The following KIF21B variants were observed in gnomAD, a reference collection of about 807,000 sequenced individuals.
KIF21B encodes the protein kinesin family member 21B, also known as kinesin-like protein KIF21B.
A neutral mutation model predicts 192.9 loss-of-function variants in KIF21B; 85 were observed. The observed-to-expected ratio is 0.44, with a 90% CI of 0.37 to 0.53. The LOEUF (loss-of-function observed/expected upper bound fraction) is 0.53. Among genes scored for constraint, KIF21B ranks in the 20% least tolerant of loss-of-function variants. The pLI, the probability that KIF21B is intolerant of heterozygous loss-of-function variation, is 0.00. For missense variants in KIF21B, 1,716 were observed against 2,194.8 expected, an observed-to-expected ratio of 0.78 and a Z score of 4.36; for synonymous variants, 832 against 884.6, an observed-to-expected ratio of 0.94 and a Z score of 1.05.
intron 15 of KIF21B, among the ~76,000 whole-genome samples, chr1:200,993,244 T>C (rs1437276502): frequency 2.0e-5 from 3 of 152,190 alleles, no homozygotes; most frequent in Non-Finnish European, 4.4e-5. Flanking sequence ...AACATAGAAG[T>C]GTAATGTACA....
At chr1:201,006,859 GACACAC>G (rs575791469) in intron 3 of KIF21B, among the ~76,000 whole-genome samples, 6 of 146,142 alleles carry the variant, frequency 4.1e-5, no homozygotes, top group South Asian at 2.2e-4. Context: ...GAGACACACA[GACACAC>G]ACACACACAG....
chr1:201,003,208 C>T, intron 8 of KIF21B: 1 of 316,874 alleles, frequency 3.2e-6, no homozygotes, highest in Admixed American at 4.5e-5. Flanking sequence ...GTGGGCCCCT[C>T]TATCAACGAT....
chr1:200,979,820 C>T (rs752437109), intron 29 of KIF21B, 105 bp from the exon 30 acceptor site: 2 of 914,490 alleles, frequency 2.2e-6, no homozygotes, highest in Non-Finnish European at 3.1e-6. Context: ...AAGGGATCCA[C>T]AGGGCTCCAG....
intron 1 of KIF21B, among the ~76,000 whole-genome samples, chr1:201,018,112 T>C (rs780099089): frequency 7.2e-5 from 11 of 152,172 alleles, no homozygotes; most frequent in Admixed American, 1.3e-4. Flanking sequence ...ATTGCTTTCC[T>C]CCTCAATGTT....
At chr1:201,021,069 A>G (rs1460269447) in intron 1 of KIF21B, among the ~76,000 whole-genome samples, 1 of 152,218 alleles carries the variant, frequency 6.6e-6, no homozygotes, top group Non-Finnish European at 1.5e-5. Context: ...ACTGTAGTGC[A>G]GCCCACCACC....
rs758148499 is a variant in KIF21B at position 201,003,574 on chromosome 1, G to A, written c.1212+12C>T. ...AAGGGGAGTGCTGGGCAATGCCCAG[G>A]AGCATGCTCACCGCCTTATACTCCA... On this transcript the variant is annotated intron_variant, in intron 8 of 34. Transcript: ENST00000461742. 4 of 1,612,980 alleles carry A rather than the reference G, an allele frequency of 2.5e-6. 1 individual carries two copies. The East Asian group carries it at 8.9e-5, about 36-fold the overall frequency.
At chr1:201,006,907 GACAGACACAC>G (rs747381173) in intron 3 of KIF21B, among the ~76,000 whole-genome samples, 1,769 of 125,410 alleles carry the variant, frequency 0.014, 26 homozygotes, top group Middle Eastern at 0.05. Context: ...CACACACAGA[GACAGACACAC>G]ACAGACACAC....
intron 21 of KIF21B, among the ~76,000 whole-genome samples, chr1:200,989,420 G>T (rs1444768326): frequency 1.3e-5 from 2 of 152,184 alleles, no homozygotes; most frequent in Non-Finnish European, 2.9e-5. Flanking sequence ...ACCATGTAGG[G>T]TCTGTCCCCA....
At position 200,996,362 on chromosome 1, in the gene KIF21B, T is replaced by C; in HGVS notation, c.2111A>G (p.Asn704Ser). Residue 704 changes from asparagine (N) to serine (S), a missense_variant, in exon 15 of 35, where the codon AAC becomes AGC. This residue lies in a region of KIF21B where 1,087 missense variants were observed against 1,316.6 expected (regional missense o/e 0.83). Coordinates refer to ENST00000461742, the MANE Select transcript of KIF21B (RefSeq NM_001252102.2). ...TMECYTEEKA[N>S]KIKADYEKRL... ...CTTCTCATAGTCTGCCTTGATCTTGTTGGCCTTCTCCTCAGTATAGCACTC... is the reference window on the plus strand; with the variant it reads ...CTTCTCATAGTCTGCCTTGATCTTGCTGGCCTTCTCCTCAGTATAGCACTC... 1 of 1,614,162 alleles carries C rather than the reference T, an allele frequency of 6.2e-7. No homozygotes were observed. Among genetic ancestry groups the C allele is most frequent in the East Asian group, 2.2e-5 (1 of 44,874 alleles).
In KIF21B at chr1:201,000,507, G is replaced by A. The variant is rs779815267; in HGVS notation, c.1568C>T (p.Ala523Val). ...SPYSLGASPA[A>V]PAFGGSPASS... ...GGCAGGGCTGCCCCCGAAGGCCGGGGCGGCTGGAGAAGCACCCAGGGAGTA... is the reference window on the plus strand; with the variant it reads ...GGCAGGGCTGCCCCCGAAGGCCGGGACGGCTGGAGAAGCACCCAGGGAGTA... Residue 523 changes from alanine (A) to valine (V), a missense_variant, in exon 11 of 35, where the codon GCC becomes GTC. Ala to Val is a moderately conservative substitution (Grantham distance 64). Transcript: ENST00000461742. This position sits in a 1 kb window ranked among gnomAD's most constrained non-coding sequence, Gnocchi z 6.0. 4.7e-5 allele frequency: 75 copies of A among 1,610,590 alleles called. No individual in the cohort carries two copies. The East Asian group carries it at 6.0e-4, about 13-fold the overall frequency.
Position 200,990,672 on chromosome 1 carries a change from C to T in KIF21B, c.2739G>A (p.Arg913=). ...GTCGCTCCAGGGACTGCCACTTGAG[C>T]CTTGCCGCCTTACTGAAGCTCTGGC... is the stretch of plus-strand genomic sequence containing the variant. ...GASQSFSKAA[R]LKWQSLERRI... Residue 913 remains arginine, a synonymous_variant, in exon 19 of 35, where the codon AGG becomes AGA. Transcript: ENST00000461742. The surrounding 1 kb of genome is among the most constrained non-coding windows in gnomAD (Gnocchi z 5.4). 1.2e-6 allele frequency: 2 copies of T among 1,614,188 alleles called. No homozygotes were observed. The highest frequency in any genetic ancestry group is 1.7e-6 in the Non-Finnish European group (2 of 1,180,030).
chr1:200,973,853 C>G, intron 34 of KIF21B: 3 of 1,440,932 alleles, frequency 2.1e-6, no homozygotes, highest in South Asian at 1.5e-5. Flanking sequence ...AAGGCTCCCC[C>G]TTCTGCTCCC....
At chr1:200,989,054 G>A (rs1185928251) in intron 21 of KIF21B, 123 bp from the exon 22 acceptor site, 2 of 1,017,286 alleles carry the variant, frequency 2.0e-6, no homozygotes, top group East Asian at 2.6e-5. Flanking sequence ...CATCACCCTT[G>A]TACCTGGCAC....
chr1:200,985,013 C>T, intron 26 of KIF21B, 41 bp from the exon 27 acceptor site: 1 of 1,445,348 alleles, frequency 6.9e-7, no homozygotes, highest in Non-Finnish European at 9.6e-7. Flanking sequence ...AGTGACCACC[C>T]CTGCCCACAG....
In KIF21B at chr1:200,988,853, A is replaced by G. The variant is rs750475944; in HGVS notation, c.3211T>C (p.Ser1071Pro). ...GCGTCCAGGAGCAGATGGTTCTGGG[A>G]GGAGCCTGCCATATCCGTCTGCCTC... ...RLRQTDMAGS[S>P]QNHLLLDALR... The change falls in exon 22 of 35, where the codon TCC becomes CCC. Residue 1071 changes from serine (S) to proline (P), a missense_variant. By Grantham distance (74) the Ser-to-Pro change is moderately conservative. Coordinates refer to ENST00000461742, the MANE Select transcript of KIF21B (RefSeq NM_001252102.2). The G allele has an allele frequency of 3.1e-6, 5 of 1,611,870 alleles. No homozygotes were observed. Among genetic ancestry groups the G allele is most frequent in the African/African-American group, 1.3e-5 (1 of 74,848 alleles).
chr1:200,983,985 C>T (rs1241467662), intron 27 of KIF21B, among the ~76,000 whole-genome samples: 1 of 152,194 alleles, frequency 6.6e-6, no homozygotes, highest in African/African-American at 2.4e-5. Context: ...CCCTGAAGGC[C>T]ACAGCACTGT....
intron 34 of KIF21B, 194 bp from the exon 35 acceptor site, chr1:200,973,772 C>CA (rs1655355155): frequency 1.8e-5 from 26 of 1,446,874 alleles, no homozygotes; most frequent in Non-Finnish European, 2.3e-5. Context: ...CCTGTGCACT[C>CA]AGAGGCCCCC....
Position 200,999,539 on chromosome 1 carries a change from A to G in KIF21B, c.1768-73T>C, listed in dbSNP as rs896865707. On this transcript the variant is annotated intron_variant, in intron 12 of 34. Transcript: ENST00000461742. This position sits in a 1 kb window ranked among gnomAD's most constrained non-coding sequence, Gnocchi z 4.7. ...CCCAGAAGCAGAGGTGCATCCCGAC[A>G]CAATGCCTCAGGTGTGTCAGGAGGG... The G allele has an allele frequency of 6.4e-7, 1 of 1,573,518 alleles. No homozygotes were observed. The highest frequency in any genetic ancestry group is 1.7e-4 in the Middle Eastern group (1 of 5,860).
At position 200,990,509 on chromosome 1, in the gene KIF21B, AG is replaced by A; in HGVS notation, c.2835+66del. The A allele has an allele frequency of 6.4e-7, 1 of 1,572,730 alleles. No homozygotes were observed. ...GGCAGGGAAAGGTCTGAAGAGCCAG[AG>A]AAGTTGGAGGTGTCAGAGGACAGGC... On this transcript the variant is annotated intron_variant, in intron 19 of 34. Coordinates refer to ENST00000461742, the MANE Select transcript of KIF21B (RefSeq NM_001252102.2). The surrounding 1 kb of genome is among the most constrained non-coding windows in gnomAD (Gnocchi z 5.4).
Sources: gnomAD v4.1 joint callset for allele counts (sites outside exome capture counted in the v4.1 genomes callset) on GRCh38, gnomAD v4.1.1 for gene constraint, gnomAD v4.1.1 regional missense constraint, Gnocchi (gnomAD v3.1) non-coding constraint, MANE v1.5 for transcripts, NCBI Gene and HGNC (gene_info 2026-07-23, HGNC 2026-07-21) for gene names.